The following ABHD12 variants were observed in gnomAD, a reference collection of about 807,000 sequenced individuals.
ABHD12 encodes the protein lysophosphatidylserine lipase ABHD12.
In ABHD12, 43 loss-of-function variants were observed where a neutral mutation model predicts 58.3. That is an observed-to-expected ratio of 0.74 (90% CI 0.58 to 0.95). The LOEUF is 0.95. Ranked by LOEUF, ABHD12 falls within the 40% of genes least tolerant of loss-of-function variation. The pLI is 0.00. For synonymous variants in ABHD12, 219 were observed against 211.2 expected (o/e 1.04, Z -0.32); for missense variants, 539 against 537.2 (o/e 1.00, Z -0.03).
chr20:25,322,508 T>C (rs2089097197), intron 3 of ABHD12, among the ~76,000 whole-genome samples: 2 of 146,660 alleles, frequency 1.4e-5, no homozygotes, highest in African/African-American at 5.0e-5. Flanking sequence ...AACTCCCGGG[T>C]AGCTGGGACT....
intron 1 of ABHD12, among the ~76,000 whole-genome samples, chr20:25,381,691 T>C (rs1248761184): frequency 2.0e-5 from 3 of 150,924 alleles, no homozygotes; most frequent in African/African-American, 7.3e-5. Context: ...CAAGCTGGAG[T>C]GCAGTGGTGC....
intron 1 of ABHD12, chr20:25,339,589 A>G (rs767944300): frequency 2.3e-5 from 34 of 1,493,082 alleles, no homozygotes; most frequent in Non-Finnish European, 3.1e-5. Flanking sequence ...TTCTTGAAAG[A>G]CATAGAAATA....
downstream of ABHD12, chr20:25,295,783 G>C: frequency 1.6e-6 from 2 of 1,215,380 alleles, no homozygotes; most frequent in Middle Eastern, 1.9e-4. Context: ...GGGCCAGAGG[G>C]GTTTGTGATT....
intron 1 of ABHD12, chr20:25,390,189 C>A (rs901367996): frequency 4.2e-6 from 1 of 238,788 alleles, no homozygotes; most frequent in Non-Finnish European, 8.0e-6. Flanking sequence ...CGGCGCCAAG[C>A]CCCCAGCGTA....
At chr20:25,294,858 A>G in exon 13 of ABHD12, 1 of 1,236,014 alleles carries the variant, frequency 8.1e-7, no homozygotes, top group African/African-American at 1.5e-5. Context: ...ACCGTTGGCA[A>G]AAGTTGAATC....
rs1237831913 is a variant in ABHD12, at chr20:25,339,242, T to C, written c.301A>G (p.Ile101Val). 1 of 1,613,706 alleles carries C rather than the reference T, an allele frequency of 6.2e-7. No individual in the cohort carries two copies. Among genetic ancestry groups the C allele is most frequent in the Non-Finnish European group, 8.5e-7 (1 of 1,179,966 alleles). ...TACCACTTACCGAAATTCAAGAAAA[T>C]CAGTTTGGCCTGTATTCCAGGACAT... ...KLCPGIQAKLIFLNFVRVPYF... is the reference protein window; with the variant it reads ...KLCPGIQAKLVFLNFVRVPYF... Residue 101 changes from isoleucine (I) to valine (V), a missense_variant, in exon 2 of 13, where the codon ATT becomes GTT. Physicochemically the swap from Ile to Val is conservative, Grantham distance 29 (BLOSUM62 3). Transcript: ENST00000339157.
intron 1 of ABHD12, among the ~76,000 whole-genome samples, chr20:25,376,918 A>G (rs2089968810): frequency 6.6e-6 from 1 of 152,140 alleles, no homozygotes; most frequent in African/African-American, 2.4e-5. Context: ...AGAACTCTTT[A>G]TTACTTTGGA....
chr20:25,319,227 G>A (rs959565677), intron 4 of ABHD12, among the ~76,000 whole-genome samples: 2 of 152,184 alleles, frequency 1.3e-5, no homozygotes, highest in Non-Finnish European at 2.9e-5. Context: ...TTCTCCCACA[G>A]AGGCTCTTCT....
chr20:25,376,256 G>A (rs887001866), intron 1 of ABHD12, among the ~76,000 whole-genome samples: 12 of 152,214 alleles, frequency 7.9e-5, no homozygotes, highest in Non-Finnish European at 5.9e-5. Context: ...GAACAAGAGA[G>A]TAACGCCAAA....
At chr20:25,298,103 G>A (rs2088578869), downstream of ABHD12, 1 of 152,250 alleles carries the variant, frequency 6.6e-6, no homozygotes, top group South Asian at 2.1e-4. Context: ...GAGGCCCAGG[G>A]TGGTGCCAGT....
Position 25,312,901 on chromosome 20 carries a change from C to T in ABHD12, c.619+2024G>A, listed in dbSNP as rs569698705. On this transcript the variant is annotated intron_variant, in intron 6 of 12. Transcript: ENST00000339157. ...GTCTGAGAAGTGCGGAGCCCCTCCG[C>T]CCGGCAGCCGCCCCATCTGGGAAGT... is the stretch of plus-strand genomic sequence containing the variant. 2.5e-3 allele frequency among the ~76,000 whole-genome samples: 383 copies of T among 151,684 alleles called. 2 individuals are homozygous for T. The highest frequency in any genetic ancestry group is 8.9e-3 in the African/African-American group (369 of 41,278).
chr20:25,373,029 C>G (rs1041338555), intron 1 of ABHD12, among the ~76,000 whole-genome samples: 1 of 152,292 alleles, frequency 6.6e-6, no homozygotes, highest in Middle Eastern at 3.4e-3. Flanking sequence ...GCCTACAGGA[C>G]TCAGTACAGT....
At chr20:25,368,689 T>C in intron 1 of ABHD12, 1 of 1,369,336 alleles carries the variant, frequency 7.3e-7, no homozygotes, top group Non-Finnish European at 1.0e-6. Flanking sequence ...TGGAATCTTG[T>C]CTGCAAACAG....
At chr20:25,329,434 C>A (rs1021776954) in intron 2 of ABHD12, among the ~76,000 whole-genome samples, 1 of 149,124 alleles carries the variant, frequency 6.7e-6, no homozygotes, top group African/African-American at 2.6e-5. Flanking sequence ...TTTCACTGTC[C>A]ACCCCCCAGT....
chr20:25,306,263 T>C (rs2088739124), intron 10 of ABHD12, among the ~76,000 whole-genome samples: 1 of 152,082 alleles, frequency 6.6e-6, no homozygotes, highest in Admixed American at 6.5e-5. Flanking sequence ...CATTTTGAAA[T>C]AAAACAACTC....
rs1568709218 is a variant in ABHD12, at chr20:25,302,167, G to A, written c.1157+52C>T. ...AGCTGCCACCTGCTGCACGTTAGGT[G>A]TGAGCCAGTGCTGCCCAGACGAAGC... On this transcript the variant is annotated intron_variant, in intron 12 of 12. Coordinates refer to ENST00000339157, the MANE Select transcript of ABHD12 (RefSeq NM_001042472.3). The A allele has an allele frequency of 1.1e-5, 17 of 1,611,222 alleles. No individual in the cohort carries two copies. The South Asian group carries it at 1.8e-4, about 17-fold the overall frequency.
rs1311790157 is a variant in ABHD12 at position 25,300,731 on chromosome 20, G to C, written c.*114C>G. 9 of 1,585,744 alleles carry C rather than the reference G, an allele frequency of 5.7e-6. No individual in the cohort carries two copies. Among genetic ancestry groups the C allele is most frequent in the Middle Eastern group, 2.0e-4 (1 of 4,914 alleles). ...CTGAGGTGCTCTCCAGGTGCGAGCTGGGCTCCTGAGCATTGCAGGTGCCGG... is the reference window on the plus strand; with the variant it reads ...CTGAGGTGCTCTCCAGGTGCGAGCTCGGCTCCTGAGCATTGCAGGTGCCGG... On this transcript the variant is annotated 3_prime_UTR_variant, in exon 13 of 13. Transcript: ENST00000339157.
chr20:25,325,300 G>A lies in ABHD12; in HGVS notation c.317-1870C>T, dbSNP rs1325321544. On this transcript the variant is annotated intron_variant, in intron 2 of 12. Transcript: ENST00000339157. ...CTGGCTGGCTGGACAGGAAGTCAGGGAGGTAATGAGCCTGGCCCCTGAGAG... is the reference window on the plus strand; with the variant it reads ...CTGGCTGGCTGGACAGGAAGTCAGGAAGGTAATGAGCCTGGCCCCTGAGAG... 3.9e-5 allele frequency among the ~76,000 whole-genome samples: 6 copies of A among 152,152 alleles called. No homozygotes were observed. In the East Asian group the frequency reaches 5.8e-4, roughly 15 times the overall value.
Position 25,300,380 on chromosome 20 carries a change from G to A in ABHD12, c.*465C>T, listed in dbSNP as rs1240837083. On this transcript the variant is annotated 3_prime_UTR_variant, in exon 13 of 13. Coordinates refer to ENST00000339157, the MANE Select transcript of ABHD12 (RefSeq NM_001042472.3). The stretch of plus-strand genomic sequence containing the variant: ...TGAGAAAGGCAAGCAGGTACACAGG[G>A]CAGGAGGGGACGATGGAACCACTGG... 1.8e-6 allele frequency: 2 copies of A among 1,119,278 alleles called. No homozygotes were observed. The highest frequency in any genetic ancestry group is 1.3e-4 in the East Asian group (2 of 15,584). The allele number at this position is 1,119,278 out of a possible 1,614,324, so 69.3% of individuals were successfully genotyped here.
Sources: gnomAD v4.1 joint callset for allele counts (sites outside exome capture counted in the v4.1 genomes callset) on GRCh38, gnomAD v4.1.1 for gene constraint, MANE v1.5 for transcripts, NCBI Gene and HGNC (gene_info 2026-07-23, HGNC 2026-07-21) for gene names.